The following ZNF385D variants were observed in gnomAD, a reference collection of about 807,000 sequenced individuals.
ZNF385D encodes zinc finger protein 385D, also known as zinc finger protein 659.
ZNF385D carries 15 observed loss-of-function variants against 35.8 expected under a neutral mutation model. That is an observed-to-expected ratio of 0.42 (90% CI 0.28 to 0.64). ZNF385D has a LOEUF of 0.64. Among genes scored for constraint, ZNF385D ranks in the 30% least tolerant of loss-of-function variants. ZNF385D has a pLI of 0.23. For synonymous variants in ZNF385D, 212 were observed against 186.8 expected (o/e 1.13, Z -1.10); for missense variants, 474 against 494.6 (o/e 0.96, Z 0.39).
At chr3:21,752,011 C>A, upstream of ZNF385D, among the ~76,000 whole-genome samples, 1 of 93,944 alleles carries the variant, frequency 1.1e-5, no homozygotes, top group East Asian at 4.5e-4. Context: ...ACACCCACCC[C>A]CCTCCCCCCC....
At chr3:21,745,508 A>AT (rs1287836302) in intron 1 of ZNF385D, among the ~76,000 whole-genome samples, 3 of 152,210 alleles carry the variant, frequency 2.0e-5, no homozygotes, top group Non-Finnish European at 4.4e-5. Flanking sequence ...TCCTATTTTC[A>AT]ATCCTAGCAA....
intron 3 of ZNF385D, among the ~76,000 whole-genome samples, chr3:21,954,399 G>C (rs1429957170): frequency 6.6e-6 from 1 of 151,944 alleles, no homozygotes; most frequent in African/African-American, 2.4e-5. Flanking sequence ...ACATTCTCAT[G>C]ATGGGAGTTT....
intron 3 of ZNF385D, among the ~76,000 whole-genome samples, chr3:21,984,226 C>A (rs370059522): frequency 1.4e-4 from 20 of 146,414 alleles, no homozygotes; most frequent in East Asian, 9.7e-4. Context: ...TGTTTTGGAC[C>A]TGAAGTCCTT....
intron 2 of ZNF385D, among the ~76,000 whole-genome samples, chr3:22,337,021 TAA>T (rs1430510663): frequency 7.0e-6 from 1 of 143,250 alleles, no homozygotes; most frequent in Non-Finnish European, 1.5e-5. Flanking sequence ...ATTATTCAAA[TAA>T]AGTCATAAAA....
intron 2 of ZNF385D, among the ~76,000 whole-genome samples, chr3:22,310,839 T>G (rs1475723446): frequency 6.6e-6 from 1 of 151,910 alleles, no homozygotes; most frequent in East Asian, 1.9e-4. Context: ...TCCACTCATT[T>G]TTAATTAACT....
At chr3:22,248,577 CT>C (rs35488375) in intron 2 of ZNF385D, among the ~76,000 whole-genome samples, 48,170 of 151,912 alleles carry the variant, frequency 0.32, 7,843 homozygotes, top group Non-Finnish European at 0.34. Flanking sequence ...GGAGGCAAGG[CT>C]TTTGGATTTT....
chr3:21,955,777 G>T (rs1433561517), intron 3 of ZNF385D, among the ~76,000 whole-genome samples: 2 of 152,132 alleles, frequency 1.3e-5, no homozygotes, highest in Admixed American at 1.3e-4. Context: ...AATGTCTACT[G>T]TATGCCAATT....
intron 2 of ZNF385D, among the ~76,000 whole-genome samples, chr3:22,303,373 C>G (rs959660947): frequency 6.6e-6 from 1 of 152,172 alleles, no homozygotes; most frequent in African/African-American, 2.4e-5. Context: ...TGCCACTACT[C>G]TGTTCCCATA....
rs767014769 is a variant in ZNF385D at position 21,421,215 on chromosome 3, T to C, written c.1187A>G (p.Ter396=). The change falls in exon 8 of 8, where the codon TAA becomes TGA. Residue 396 remains the stop codon, a stop_retained_variant. Transcript: ENST00000281523. ...AGTACAATTACTCCTATTTGGAATT[T>C]AGTAAGGAGCAAACAGCACAGGAGT... ...AHTPVLFAPY[*] is the part of the protein sequence containing the mutation. 9 of 1,612,964 alleles carry C rather than the reference T, an allele frequency of 5.6e-6. No individual in the cohort carries two copies. Among genetic ancestry groups the C allele is most frequent in the Non-Finnish European group, 7.6e-6 (9 of 1,179,360 alleles).
chr3:22,336,770 T>C (rs1695176465), intron 2 of ZNF385D, among the ~76,000 whole-genome samples: 1 of 151,782 alleles, frequency 6.6e-6, no homozygotes, highest in Admixed American at 6.6e-5. Context: ...TAATGTGGGT[T>C]AGTAATCTTA....
At chr3:22,001,124 A>G (rs1695818286) in intron 3 of ZNF385D, among the ~76,000 whole-genome samples, 1 of 152,130 alleles carries the variant, frequency 6.6e-6, no homozygotes, top group African/African-American at 2.4e-5. Context: ...TAACAAAAGG[A>G]TAGGAATAAG....
chr3:21,924,026 A>T (rs138163675), intron 3 of ZNF385D, among the ~76,000 whole-genome samples: 11 of 152,330 alleles, frequency 7.2e-5, no homozygotes, highest in Admixed American at 2.0e-4. Flanking sequence ...TTATGCCTCA[A>T]AATTACCAAA....
chr3:21,438,401 T>G (rs1559447834), intron 4 of ZNF385D, among the ~76,000 whole-genome samples: 1 of 152,140 alleles, frequency 6.6e-6, no homozygotes, highest in Admixed American at 6.6e-5. Flanking sequence ...TAAGGACAAG[T>G]GGTCTGTCTG....
chr3:22,158,727 A>G (rs534490557), intron 3 of ZNF385D, among the ~76,000 whole-genome samples: 1 of 151,950 alleles, frequency 6.6e-6, no homozygotes, highest in African/African-American at 2.4e-5. Context: ...CTGAGAAACA[A>G]ACAAAAAACA....
chr3:21,569,499 G>T (rs1410390520), intron 2 of ZNF385D, among the ~76,000 whole-genome samples: 5 of 150,472 alleles, frequency 3.3e-5, no homozygotes, highest in African/African-American at 9.9e-5. Flanking sequence ...ACACTGATGG[G>T]TCTTGACTCT....
intron 3 of ZNF385D, among the ~76,000 whole-genome samples, chr3:21,541,319 G>A (rs2062170469): frequency 6.6e-6 from 1 of 152,156 alleles, no homozygotes; most frequent in African/African-American, 2.4e-5. Context: ...GGGGCAGAAG[G>A]TAAATGGGAA....
intron 3 of ZNF385D, among the ~76,000 whole-genome samples, chr3:21,946,319 A>G (rs1270738523): frequency 6.6e-6 from 1 of 152,184 alleles, no homozygotes. Flanking sequence ...ATTTTTATGT[A>G]TATATATTCA....
At chr3:21,989,503 TATC>T (rs779755742) in intron 3 of ZNF385D, among the ~76,000 whole-genome samples, 1 of 152,196 alleles carries the variant, frequency 6.6e-6, no homozygotes, top group Non-Finnish European at 1.5e-5. Context: ...AGCAAATAAT[TATC>T]ATTCTCTCAA....
Position 22,127,111 on chromosome 3 carries a change from C to G in ZNF385D, c.325+41706G>C, listed in dbSNP as rs567561387. Among the ~76,000 whole-genome samples the G allele has an allele frequency of 3.3e-5, 5 of 151,938 alleles. No homozygotes were observed. In the South Asian group the frequency reaches 8.3e-4, roughly 25 times the overall value. ...TCTTATAAGCAATAGATCATTAGGT[C>G]TTACTTTTTATCCATTCAGTCACTG... is the stretch of plus-strand genomic sequence containing the variant. On this transcript the variant is annotated intron_variant, in intron 3 of 5. Coordinates refer to the ZNF385D transcript ENST00000494108.
Sources: allele counts gnomAD v4.1 joint callset (sites outside exome capture counted in the v4.1 genomes callset), GRCh38; gene constraint gnomAD v4.1.1; transcripts MANE v1.5; gene names NCBI Gene and HGNC (gene_info 2026-07-23, HGNC 2026-07-21).